Variants in LMNB1 observed in about 807,000 individuals in gnomAD.
LMNB1 encodes lamin B1.
LMNB1 carries 23 observed loss-of-function variants against 67.1 expected under a neutral mutation model. The ratio of observed to expected loss-of-function variants is 0.34; its 90% confidence interval spans 0.25 to 0.49. The LOEUF is 0.49. Ranked by LOEUF, LMNB1 falls within the 20% of genes least tolerant of loss-of-function variation. LMNB1 has a pLI of 0.99. For missense variants in LMNB1, 634 were observed against 746.5 expected, an observed-to-expected ratio of 0.85 and a Z score of 1.76; for synonymous variants, 281 against 282.9, an observed-to-expected ratio of 0.99 and a Z score of 0.07.
chr5:126,792,427 G>C (rs1430485740), intron 1 of LMNB1, among the ~76,000 whole-genome samples: 1 of 152,136 alleles, frequency 6.6e-6, no homozygotes, highest in Non-Finnish European at 1.5e-5. Context: ...GTGAGCCACT[G>C]TGCCTGGTGT....
At chr5:126,823,979 A>G (rs903077302) in intron 8 of LMNB1, among the ~76,000 whole-genome samples, 4 of 152,232 alleles carry the variant, frequency 2.6e-5, no homozygotes, top group Non-Finnish European at 4.4e-5. Context: ...TCTCTATCTC[A>G]GAAGTAATAT....
At chr5:126,791,547 T>C (rs1038587308) in intron 1 of LMNB1, among the ~76,000 whole-genome samples, 5 of 151,692 alleles carry the variant, frequency 3.3e-5, no homozygotes, top group African/African-American at 1.2e-4. Context: ...AGCCTCAACC[T>C]CCTAGGCTCA....
At chr5:126,796,536 A>G (rs1008087944) in intron 1 of LMNB1, among the ~76,000 whole-genome samples, 2 of 152,188 alleles carry the variant, frequency 1.3e-5, no homozygotes, top group Admixed American at 6.5e-5. Flanking sequence ...AGCAGAGTAT[A>G]TGGTATTGCT....
chr5:126,811,419 G>T (rs1751574984), intron 4 of LMNB1, among the ~76,000 whole-genome samples: 1 of 152,168 alleles, frequency 6.6e-6, no homozygotes, highest in Non-Finnish European at 1.5e-5. Context: ...AGGGATATGT[G>T]ATGTTTCTTT....
Position 126,777,621 on chromosome 5 carries a change from A to G in LMNB1, c.113A>G (p.Glu38Gly), listed in dbSNP as rs1750498188. 2 of 1,541,028 alleles carry G rather than the reference A, an allele frequency of 1.3e-6. No homozygotes were observed. The highest frequency in any genetic ancestry group is 2.4e-5 in the South Asian group (2 of 82,990). Residue 38 changes from glutamate (E) to glycine (G), a missense_variant, in exon 1 of 11, where the codon GAG becomes GGG. Transcript: ENST00000261366. ...SRLQEKEELR[E>G]LNDRLAVYID... ...CTCCAGGAGAAGGAGGAGCTGCGCG[A>G]GCTCAATGACCGGCTGGCGGTGTAC...
At chr5:126,815,063 A>G (rs1751675667) in intron 5 of LMNB1, 1 of 152,186 alleles carries the variant, frequency 6.6e-6, no homozygotes, top group Admixed American at 6.5e-5. Flanking sequence ...GGTAAACAGT[A>G]TATTTTGAGG....
chr5:126,827,927 A>G (rs1752036368), intron 9 of LMNB1, among the ~76,000 whole-genome samples: 2 of 152,118 alleles, frequency 1.3e-5, no homozygotes, highest in Non-Finnish European at 2.9e-5. Flanking sequence ...GGTGCTCATC[A>G]CATTGTTCTC....
Position 126,810,275 on chromosome 5 carries a change from T to G in LMNB1, c.738T>G (p.Leu246=). The G allele has an allele frequency of 6.2e-7, 1 of 1,614,010 alleles. No homozygotes were observed. Among genetic ancestry groups the G allele is most frequent in the Non-Finnish European group, 8.5e-7 (1 of 1,179,866 alleles). ...IEYEYKLAQA[L]HEMREQHDAQ... ...ATGAGTACAAGCTGGCGCAAGCCCT[T>G]CATGAGATGAGAGAGCAACATGATG... The change falls in exon 4 of 11, where the codon CTT becomes CTG. Residue 246 remains leucine (L), a synonymous_variant. Coordinates refer to ENST00000261366, the MANE Select transcript of LMNB1 (RefSeq NM_005573.4).
At chr5:126,806,241 C>T (rs1426860841) in intron 3 of LMNB1, among the ~76,000 whole-genome samples, 1 of 152,220 alleles carries the variant, frequency 6.6e-6, no homozygotes, top group Non-Finnish European at 1.5e-5. Flanking sequence ...GTGTGAGCCA[C>T]CACATCCGGC....
intron 5 of LMNB1, among the ~76,000 whole-genome samples, chr5:126,818,552 T>C (rs1287271830): frequency 9.2e-5 from 14 of 152,222 alleles, no homozygotes; most frequent in Admixed American, 9.2e-4. Context: ...AGTGTTCTTA[T>C]CTTTTTAAGT....
intron 5 of LMNB1, among the ~76,000 whole-genome samples, chr5:126,817,269 C>T (rs1290965463): frequency 6.6e-6 from 1 of 152,170 alleles, no homozygotes; most frequent in Non-Finnish European, 1.5e-5. Context: ...GGTACTATAA[C>T]ATGCTCTAGG....
At chr5:126,806,151 C>G (rs1751415387) in intron 3 of LMNB1, among the ~76,000 whole-genome samples, 1 of 152,086 alleles carries the variant, frequency 6.6e-6, no homozygotes, top group Non-Finnish European at 1.5e-5. Context: ...GACGGGATTT[C>G]ACCATATTGG....
At chr5:126,785,467 T>TCTTTTC (rs1750756130) in intron 1 of LMNB1, among the ~76,000 whole-genome samples, 1 of 147,718 alleles carries the variant, frequency 6.8e-6, no homozygotes, top group Non-Finnish European at 1.5e-5. Context: ...ATTTTTTTTT[T>TCTTTTC]CTTTTTCTTT....
intron 5 of LMNB1, among the ~76,000 whole-genome samples, chr5:126,818,042 A>G (rs1751757470): frequency 6.6e-6 from 1 of 152,178 alleles, no homozygotes; most frequent in African/African-American, 2.4e-5. Context: ...GTAATACTTT[A>G]CAAATCACCC....
chr5:126,780,658 G>A (rs944383161), intron 1 of LMNB1, among the ~76,000 whole-genome samples: 18 of 152,100 alleles, frequency 1.2e-4, no homozygotes, highest in African/African-American at 1.9e-4. Context: ...ATTCTCTGAG[G>A]GTTAGTAGTG....
At position 126,784,111 on chromosome 5, in the gene LMNB1, G is replaced by A. The variant is rs1172870942; in HGVS notation, c.359+6244G>A. Among the ~76,000 whole-genome samples, 4 of 126,238 alleles carry A rather than the reference G, an allele frequency of 3.2e-5. No homozygotes were observed. In the Admixed American group the frequency reaches 3.9e-4, roughly 12 times the overall value. The allele number at this position is 126,238 out of a possible 152,430, so 82.8% of individuals were successfully genotyped here. A position where few individuals can be genotyped will look rare whatever the true frequency, so the allele number is the denominator to read the frequency against. On this transcript the variant is annotated intron_variant, in intron 1 of 10. Coordinates refer to ENST00000261366, the MANE Select transcript of LMNB1 (RefSeq NM_005573.4). ...GCGATCTCAGCTCACTGCAACCTCCGCCTCCCGGGTTCAAGCAATTCTCCT... is the reference window on the plus strand; with the variant it reads ...GCGATCTCAGCTCACTGCAACCTCCACCTCCCGGGTTCAAGCAATTCTCCT...
chr5:126,820,955 A>C lies in LMNB1; in HGVS notation c.1206A>C (p.Arg402=). ...PSPSSRVTVS[R]ASSSRSVRTT... Reference sequence around the variant, plus strand: ...CTTCTTCCCGTGTGACAGTATCCCGAGCATCCTCAAGTCGTAGTGTACGTA... The same window carrying C: ...CTTCTTCCCGTGTGACAGTATCCCGCGCATCCTCAAGTCGTAGTGTACGTA... The change falls in exon 7 of 11, where the codon CGA becomes CGC. Residue 402 remains arginine, a synonymous_variant. Transcript: ENST00000261366. The C allele has an allele frequency of 6.2e-7, 1 of 1,614,010 alleles. No individual in the cohort carries two copies. The highest frequency in any genetic ancestry group is 8.5e-7 in the Non-Finnish European group (1 of 1,179,992).
intron 3 of LMNB1, among the ~76,000 whole-genome samples, chr5:126,809,849 G>A (rs1464511037): frequency 2.0e-5 from 3 of 152,258 alleles, no homozygotes; most frequent in East Asian, 3.9e-4. Context: ...TTAGTGTTTA[G>A]TATAGTATAC....
In LMNB1 at chr5:126,813,898, G is replaced by GT. The variant is rs201419329; in HGVS notation, c.939+2009dup. ...TATCACTGTCTTTGTTTTTCTTGTT[G>GT]TTTTTTTTTCTTCTGAGACAGAATT... On this transcript the variant is annotated intron_variant, in intron 5 of 10. Transcript: ENST00000261366. Among the ~76,000 whole-genome samples the GT allele has an allele frequency of 5.7e-3, 860 of 151,406 alleles. 13 individuals carry two copies. The highest frequency in any genetic ancestry group is 0.019 in the African/African-American group (789 of 41,310).
Sources: allele counts gnomAD v4.1 joint callset (sites outside exome capture counted in the v4.1 genomes callset), GRCh38; gene constraint gnomAD v4.1.1; transcripts MANE v1.5; gene names NCBI Gene and HGNC (gene_info 2026-07-23, HGNC 2026-07-21).